Variants in UGP2 observed in about 807,000 individuals in gnomAD.
UGP2 encodes the protein UTP--glucose-1-phosphate uridylyltransferase.
UGP2 carries 40 observed loss-of-function variants against 49.0 expected under a neutral mutation model. The ratio of observed to expected loss-of-function variants is 0.82; its 90% confidence interval spans 0.63 to 1.06. The LOEUF (loss-of-function observed/expected upper bound fraction) is 1.06, where lower values mean the gene tolerates loss of function less well. Ranked by LOEUF, UGP2 falls within the 50% of genes least tolerant of loss-of-function variation. UGP2 has a pLI of 0.00. For missense variants in UGP2, 460 were observed against 603.5 expected (o/e 0.76, Z 2.49); for synonymous variants, 225 against 213.0 (o/e 1.06, Z -0.49).
intron 9 of UGP2, among the ~76,000 whole-genome samples, chr2:63,890,573 C>T (rs1223933820): frequency 6.6e-6 from 1 of 152,028 alleles, no homozygotes; most frequent in African/African-American, 2.4e-5. Context: ...ATAGCTTTTT[C>T]CAAATCATGT....
intron 3 of UGP2, among the ~76,000 whole-genome samples, chr2:63,860,589 ATCTT>A (rs2104291475): frequency 6.6e-6 from 1 of 151,804 alleles, no homozygotes; most frequent in Non-Finnish European, 1.5e-5. Context: ...TTTAATTTTT[ATCTT>A]TATTTTTTAT....
intron 8 of UGP2, 56 bp from the exon 9 acceptor site, chr2:63,890,025 C>G (rs1558966746): frequency 7.6e-7 from 1 of 1,321,548 alleles, no homozygotes; most frequent in African/African-American, 1.5e-5. Context: ...AATATTTTTC[C>G]TGTCTTTCTT....
intron 6 of UGP2, among the ~76,000 whole-genome samples, 170 bp from the exon 7 acceptor site, chr2:63,886,170 AT>A (rs1671656819): frequency 1.3e-5 from 2 of 152,228 alleles, no homozygotes; most frequent in South Asian, 4.1e-4. Context: ...CAAACCTTTA[AT>A]ACTCTTCTAG....
At chr2:63,855,520 G>GTTTTTTTTTTTTTTTTCTTTTT in intron 1 of UGP2, 1 of 192,240 alleles carries the variant, frequency 5.2e-6, no homozygotes, top group Non-Finnish European at 1.0e-5. Context: ...TTCTTTTTCT[G>GTTTTTTTTTTTTTTTTCTTTTT]TTTTTTTTTT....
At chr2:63,867,220 CAT>C (rs1299077087) in intron 3 of UGP2, among the ~76,000 whole-genome samples, 1 of 152,194 alleles carries the variant, frequency 6.6e-6, no homozygotes, top group Non-Finnish European at 1.5e-5. Flanking sequence ...CCTACATATA[CAT>C]TTTGAATTCA....
chr2:63,865,243 G>A lies in UGP2; in HGVS notation c.255+7307G>A, dbSNP rs142920120. Among the ~76,000 whole-genome samples the A allele has an allele frequency of 3.1e-3, 468 of 152,236 alleles. 2 individuals are homozygous for A. Among genetic ancestry groups the A allele is most frequent in the African/African-American group, 0.011 (458 of 41,540 alleles). ...CATACAGTGTTTCCCAAATTTTCCC[G>A]TAGAAAATGAGTAGGGTAAATGTAA... On this transcript the variant is annotated intron_variant, in intron 3 of 9. Coordinates refer to ENST00000337130, the MANE Select transcript of UGP2 (RefSeq NM_006759.4).
chr2:63,872,691 G>A (rs75840620), intron 3 of UGP2, among the ~76,000 whole-genome samples: 23,393 of 151,622 alleles, frequency 0.15, 2,320 homozygotes, highest in Middle Eastern at 0.26. Flanking sequence ...TTATTGAATC[G>A]GGTCACGGAG....
rs1461326727 is a variant in UGP2 at position 63,887,547 on chromosome 2, C to G, written c.1217C>G (p.Ser406Ter). Residue 406 changes from serine to a stop codon, truncating the protein, a stop_gained, in exon 8 of 10, where the codon TCA (serine) becomes TGA (stop). Coordinates refer to ENST00000337130, the MANE Select transcript of UGP2 (RefSeq NM_006759.4). LOFTEE classifies it high-confidence loss of function. Reference protein sequence around the residue: ...KTTSDLLLVMSNLYSLNAGSL... With the variant: ...KTTSDLLLVM ...ACATCAGATCTCTTGCTGGTGATGT[C>G]AAACCTCTATAGTCTTAATGCAGGA... is the stretch of plus-strand genomic sequence containing the variant. The G allele has an allele frequency of 6.2e-7, 1 of 1,614,094 alleles. No homozygotes were observed. Among genetic ancestry groups the G allele is most frequent in the Admixed American group, 1.7e-5 (1 of 60,006 alleles).
At chr2:63,845,519 T>TAA (rs11392263) in intron 1 of UGP2, among the ~76,000 whole-genome samples, 258 of 139,480 alleles carry the variant, frequency 1.8e-3, no homozygotes, top group South Asian at 3.2e-3. Context: ...GTTATTATGT[T>TAA]AAAAAAAAAA....
chr2:63,857,255 T>G (rs1396897595), intron 2 of UGP2, among the ~76,000 whole-genome samples: 1 of 150,986 alleles, frequency 6.6e-6, no homozygotes, highest in Non-Finnish European at 1.5e-5. Context: ...GAGCCGAGAT[T>G]GCGCCACTAC....
chr2:63,854,620 C>G (rs1398228229), intron 1 of UGP2, among the ~76,000 whole-genome samples: 1 of 152,186 alleles, frequency 6.6e-6, no homozygotes, highest in Non-Finnish European at 1.5e-5. Flanking sequence ...TCTAAGCACT[C>G]TTCCTTATTC....
chr2:63,885,561 T>C (rs770402636), intron 5 of UGP2, 28 bp from the exon 6 acceptor site: 11 of 1,506,540 alleles, frequency 7.3e-6, no homozygotes, highest in African/African-American at 1.4e-5. Context: ...AGGGTCAATA[T>C]TGAAAAAGAA....
At chr2:63,852,436 C>G (rs1414367164) in intron 1 of UGP2, among the ~76,000 whole-genome samples, 1 of 152,226 alleles carries the variant, frequency 6.6e-6, no homozygotes, top group East Asian at 1.9e-4. Context: ...TAGGAAATTG[C>G]AGCCTTTAGG....
intron 1 of UGP2, among the ~76,000 whole-genome samples, chr2:63,843,966 G>C (rs1318735464): frequency 6.6e-6 from 1 of 152,132 alleles, no homozygotes; most frequent in Admixed American, 6.5e-5. Context: ...AACAATCATA[G>C]TGCACTACAG....
At chr2:63,848,430 C>T (rs1668818492) in intron 1 of UGP2, among the ~76,000 whole-genome samples, 1 of 152,176 alleles carries the variant, frequency 6.6e-6, no homozygotes, top group Non-Finnish European at 1.5e-5. Context: ...GTGGTGCGAT[C>T]TTGGCTCACC....
At chr2:63,861,118 G>A (rs1180193613) in intron 3 of UGP2, among the ~76,000 whole-genome samples, 4 of 151,722 alleles carry the variant, frequency 2.6e-5, no homozygotes, top group African/African-American at 7.3e-5. Context: ...TTAACTAAAT[G>A]TAATAATAAG....
chr2:63,843,550 T>C (rs530399805), intron 1 of UGP2, among the ~76,000 whole-genome samples: 11 of 152,352 alleles, frequency 7.2e-5, no homozygotes, highest in Non-Finnish European at 1.5e-4. Flanking sequence ...GTGTTCCATG[T>C]AGAGTTATGC....
At chr2:63,853,572 T>C (rs1669180164) in intron 1 of UGP2, among the ~76,000 whole-genome samples, 1 of 152,180 alleles carries the variant, frequency 6.6e-6, no homozygotes, top group African/African-American at 2.4e-5. Flanking sequence ...GCTCTTCAAC[T>C]TCTCTGTTGC....
At chr2:63,863,602 TTA>T (rs1056421751) in intron 3 of UGP2, among the ~76,000 whole-genome samples, 2 of 152,216 alleles carry the variant, frequency 1.3e-5, no homozygotes, top group African/African-American at 4.8e-5. Context: ...AATATGTGTT[TTA>T]AAATCAACTT....
Sources: gnomAD v4.1 joint callset for allele counts (sites outside exome capture counted in the v4.1 genomes callset) on GRCh38, gnomAD v4.1.1 for gene constraint, MANE v1.5 for transcripts, NCBI Gene and HGNC (gene_info 2026-07-23, HGNC 2026-07-21) for gene names.